The following IPO11 variants were observed in gnomAD, a reference collection of about 807,000 sequenced individuals.
The protein encoded by IPO11 is importin-11.
Under a neutral mutation model 143.2 loss-of-function variants are expected in IPO11, and 66 were observed. The ratio of observed to expected loss-of-function variants is 0.46; its 90% CI spans 0.38 to 0.57. IPO11 has a LOEUF of 0.57. Among genes scored for constraint, IPO11 ranks in the 20% least tolerant of loss-of-function variants. The pLI is 0.00. For synonymous variants in IPO11, 385 were observed against 377.8 expected, an observed-to-expected ratio of 1.02 and a Z score of -0.22; for missense variants, 1,026 against 1,141.0, an observed-to-expected ratio of 0.90 and a Z score of 1.45.
intron 1 of IPO11, among the ~76,000 whole-genome samples, chr5:62,433,286 A>G (rs1046540311): frequency 2.6e-5 from 4 of 152,058 alleles, no homozygotes; most frequent in Non-Finnish European, 4.4e-5. Flanking sequence ...ATTGTTATGT[A>G]TGGCTGAAAC....
intron 26 of IPO11, among the ~76,000 whole-genome samples, chr5:62,554,738 CAG>C (rs1463251446): frequency 1.3e-5 from 2 of 151,730 alleles, no homozygotes; most frequent in Non-Finnish European, 2.9e-5. Context: ...GGTGGGGAGA[CAG>C]AGTCTAGCTC....
chr5:62,612,302 AG>A (rs1166453761), intron 29 of IPO11, among the ~76,000 whole-genome samples: 28 of 152,170 alleles, frequency 1.8e-4, no homozygotes, highest in African/African-American at 6.0e-4. Context: ...TTAATGTGAC[AG>A]AGAATGGGGG....
intron 24 of IPO11, among the ~76,000 whole-genome samples, chr5:62,538,178 C>T (rs189125405): frequency 3.3e-5 from 5 of 152,254 alleles, no homozygotes; most frequent in Non-Finnish European, 4.4e-5. Flanking sequence ...AAAATGATTT[C>T]ACTTCCTCCC....
rs1389963084 is a variant in IPO11 at position 62,582,973 on chromosome 5, GC to G, written c.2583-8600del. Among the ~76,000 whole-genome samples the G allele has an allele frequency of 3.3e-5, 5 of 152,148 alleles. No homozygotes were observed. The East Asian group carries it at 9.6e-4, about 29-fold the overall frequency. On this transcript the variant is annotated intron_variant, in intron 27 of 29. Transcript: ENST00000325324. ...ATATATTAGAAATTGCATAAATAAAGCCCCACCAACCCCAAAGGGTTTTCAA... is the reference window on the plus strand; with the variant it reads ...ATATATTAGAAATTGCATAAATAAAGCCCACCAACCCCAAAGGGTTTTCAA...
At chr5:62,549,021 ACTCT>A (rs1232806930) in intron 24 of IPO11, among the ~76,000 whole-genome samples, 5 of 148,494 alleles carry the variant, frequency 3.4e-5, no homozygotes, top group Admixed American at 3.4e-4. Flanking sequence ...TGCCTCTGTG[ACTCT>A]CTCGGTCTAC....
At chr5:62,504,919 G>A (rs761975668) in intron 18 of IPO11, 21 bp downstream of exon 18, 3 of 1,437,648 alleles carry the variant, frequency 2.1e-6, no homozygotes, top group Non-Finnish European at 2.8e-6. Flanking sequence ...ACATTTCCAG[G>A]TATTTTTTTT....
intron 5 of IPO11, among the ~76,000 whole-genome samples, chr5:62,465,035 GAC>G (rs1448185805): frequency 6.6e-6 from 1 of 152,098 alleles, no homozygotes; most frequent in Admixed American, 6.6e-5. Context: ...CTTACAAAAA[GAC>G]ACAGTACAAA....
At chr5:62,570,534 A>G (rs1744100233) in intron 27 of IPO11, among the ~76,000 whole-genome samples, 1 of 152,194 alleles carries the variant, frequency 6.6e-6, no homozygotes, top group Admixed American at 6.5e-5. Flanking sequence ...TATGTGGTAG[A>G]TCACCATGCT....
At chr5:62,594,120 A>T (rs1291041827) in intron 28 of IPO11, among the ~76,000 whole-genome samples, 1 of 152,200 alleles carries the variant, frequency 6.6e-6, no homozygotes, top group African/African-American at 2.4e-5. Context: ...AGAAAACTCT[A>T]TTTCCTTCAC....
chr5:62,462,315 G>T (rs1434049819), intron 5 of IPO11, among the ~76,000 whole-genome samples: 1 of 151,952 alleles, frequency 6.6e-6, no homozygotes, highest in Non-Finnish European at 1.5e-5. Flanking sequence ...TCTTGTCACA[G>T]TAACAACCTT....
intron 27 of IPO11, among the ~76,000 whole-genome samples, chr5:62,584,612 CAAAAAAAAAAAAA>C (rs56062359): frequency 5.1e-5 from 3 of 58,656 alleles, no homozygotes; most frequent in South Asian, 7.9e-4. Context: ...AACTGTGCCT[CAAAAAAAAAAAAA>C]AAAAAAAAAA....
intron 15 of IPO11, among the ~76,000 whole-genome samples, chr5:62,492,252 G>C (rs1746641168): frequency 6.6e-6 from 1 of 152,120 alleles, no homozygotes; most frequent in Non-Finnish European, 1.5e-5. Context: ...TATGGTCTTA[G>C]TCCCAAAATT....
At chr5:62,592,939 T>C (rs535678308) in intron 28 of IPO11, among the ~76,000 whole-genome samples, 2 of 152,144 alleles carry the variant, frequency 1.3e-5, no homozygotes, top group South Asian at 4.1e-4. Flanking sequence ...CCAAAAGATA[T>C]CAATGGCACA....
In IPO11 at chr5:62,487,854, A is replaced by T. The variant is rs745996173; in HGVS notation, c.1302A>T (p.Thr434=). The change falls in exon 13 of 30, where the codon ACA becomes ACT. Residue 434 remains threonine, a synonymous_variant. Transcript: ENST00000325324. Reference sequence around the variant, plus strand: ...CTGTACTTCTAGAAATGATGCAAACACTTCAAGGTAAGGCATATTTTGTGA... The same window carrying T: ...CTGTACTTCTAGAAATGATGCAAACTCTTCAAGGTAAGGCATATTTTGTGA... ...LTPVLLEMMQ[T]LQGPTNVEDM... 1.6e-5 allele frequency: 25 copies of T among 1,607,426 alleles called. 1 individual carries two copies. In the Middle Eastern group the frequency reaches 2.5e-3, roughly 160 times the overall value.
chr5:62,554,681 A>G (rs1359666126), intron 26 of IPO11, among the ~76,000 whole-genome samples: 1 of 130,200 alleles, frequency 7.7e-6, no homozygotes, highest in Non-Finnish European at 1.6e-5. Flanking sequence ...TTTGTAGTAT[A>G]TATACTGTAT....
chr5:62,434,600 C>T (rs1384284148), intron 1 of IPO11, among the ~76,000 whole-genome samples: 2 of 152,172 alleles, frequency 1.3e-5, no homozygotes, highest in African/African-American at 4.8e-5. Flanking sequence ...CACACCTGGC[C>T]ATGAGATGTG....
rs762667790 is a variant in IPO11 at position 62,551,293 on chromosome 5, T to C, written c.2417T>C (p.Phe806Ser). Residue 806 changes from phenylalanine to serine, a missense_variant, in exon 26 of 30, where the codon TTT becomes TCT. By Grantham distance (155) the Phe-to-Ser change is radical. Around this residue, in one of 5 missense-constraint regions of IPO11, gnomAD observed 351 missense variants for 358.9 expected, o/e 0.98. Transcript: ENST00000325324. ...GTTCTACTACAAAACACTAGTTTTT[T>C]TTCTTCACTACTTAATGAGATGGCC... is the stretch of plus-strand genomic sequence containing the variant. ...GRVLLQNTSFFSSLLNEMAHK... is the reference protein window; with the variant it reads ...GRVLLQNTSFSSSLLNEMAHK... The C allele has an allele frequency of 1.6e-5, 26 of 1,609,498 alleles. No individual in the cohort carries two copies. In the Admixed American group the frequency reaches 4.2e-4, roughly 26 times the overall value.
chr5:62,613,077 T>C (rs906161396), intron 29 of IPO11, among the ~76,000 whole-genome samples: 1 of 152,224 alleles, frequency 6.6e-6, no homozygotes, highest in African/African-American at 2.4e-5. Context: ...TTTTGTTGTT[T>C]AATGTACTTT....
chr5:62,550,527 G>A, intron 25 of IPO11, 65 bp downstream of exon 25: 2 of 1,041,854 alleles, frequency 1.9e-6, no homozygotes, highest in Non-Finnish European at 2.8e-6. Context: ...TAATTACTCT[G>A]TTAGATACAG....
Sources: allele counts gnomAD v4.1 joint callset (sites outside exome capture counted in the v4.1 genomes callset), GRCh38; gene constraint gnomAD v4.1.1; regional missense constraint gnomAD v4.1.1; transcripts MANE v1.5; gene names NCBI Gene and HGNC (gene_info 2026-07-23, HGNC 2026-07-21).